Variants in FMN2 observed in about 807,000 individuals in gnomAD.
FMN2 encodes the protein formin-2.
FMN2 carries 51 observed loss-of-function variants against 142.3 expected under a neutral mutation model. The observed-to-expected ratio is 0.36, with a 90% confidence interval of 0.29 to 0.45. FMN2 has a LOEUF of 0.45. Among genes scored for constraint, FMN2 ranks in the 20% least tolerant of loss-of-function variants. FMN2 has a pLI of 1.00. For synonymous variants in FMN2, 882 were observed against 869.8 expected (o/e 1.01, Z -0.25); for missense variants, 1,936 against 2,122.8 (o/e 0.91, Z 1.73).
intron 6 of FMN2, among the ~76,000 whole-genome samples, chr1:240,227,610 A>G (rs1329112447): frequency 2.0e-5 from 3 of 152,226 alleles, no homozygotes; most frequent in African/African-American, 7.2e-5. Flanking sequence ...ATATTGGTCA[A>G]TGGAATATAT....
chr1:240,435,129 AT>A (rs577615749), intron 15 of FMN2, among the ~76,000 whole-genome samples: 70 of 152,210 alleles, frequency 4.6e-4, no homozygotes, highest in African/African-American at 1.7e-3. Flanking sequence ...TGCAAAGAAC[AT>A]TTTTATTGAA....
At chr1:240,231,793 A>G (rs1285382170) in intron 6 of FMN2, among the ~76,000 whole-genome samples, 1 of 152,210 alleles carries the variant, frequency 6.6e-6, no homozygotes. Flanking sequence ...AAATGTCTTC[A>G]AGCACTAGAA....
intron 2 of FMN2, chr1:240,143,506 T>A: frequency 6.3e-7 from 1 of 1,575,768 alleles, no homozygotes; most frequent in South Asian, 1.1e-5. Flanking sequence ...TTTGTCTTCC[T>A]CCTTCTCTTT....
At chr1:240,355,089 G>C (rs1672218022) in intron 13 of FMN2, among the ~76,000 whole-genome samples, 1 of 152,034 alleles carries the variant, frequency 6.6e-6, no homozygotes, top group Non-Finnish European at 1.5e-5. Context: ...GATAAACTTT[G>C]GTGTTAGATC....
chr1:240,471,354 A>G (rs996440348), intron 16 of FMN2, among the ~76,000 whole-genome samples: 5 of 149,398 alleles, frequency 3.3e-5, no homozygotes, highest in African/African-American at 1.2e-4. Flanking sequence ...TAAGCATGGC[A>G]TGTAAATTTT....
intron 7 of FMN2, among the ~76,000 whole-genome samples, chr1:240,272,920 C>T (rs757167427): frequency 7.2e-5 from 11 of 152,132 alleles, no homozygotes; most frequent in East Asian, 1.9e-4. Flanking sequence ...ATTATATGCA[C>T]GTGATTAAGA....
At chr1:240,431,893 A>G (rs1311470820) in intron 15 of FMN2, among the ~76,000 whole-genome samples, 1 of 150,148 alleles carries the variant, frequency 6.7e-6, no homozygotes, top group Non-Finnish European at 1.5e-5. Flanking sequence ...TTTTTTGCTT[A>G]TGCTCATGAG....
chr1:240,211,346 T>C, intron 6 of FMN2, 111 bp downstream of exon 6: 1 of 1,010,018 alleles, frequency 9.9e-7, no homozygotes, highest in Non-Finnish European at 1.5e-6. Context: ...TCCATGGATC[T>C]TAGGCAGACA....
chr1:240,172,726 C>A (rs1664757301), intron 2 of FMN2, among the ~76,000 whole-genome samples: 1 of 151,846 alleles, frequency 6.6e-6, no homozygotes, highest in Admixed American at 6.6e-5. Context: ...AGTTAATTAC[C>A]AATAGGTTTA....
At chr1:240,114,396 T>C (rs1047072675) in intron 1 of FMN2, among the ~76,000 whole-genome samples, 2 of 152,146 alleles carry the variant, frequency 1.3e-5, no homozygotes, top group Non-Finnish European at 1.5e-5. Context: ...TTCCAGAGGC[T>C]GGGGGACAGC....
chr1:240,259,604 C>T (rs2102900365), intron 7 of FMN2, among the ~76,000 whole-genome samples: 1 of 150,094 alleles, frequency 6.7e-6, no homozygotes, highest in East Asian at 2.0e-4. Context: ...ACAGGATTTA[C>T]ATGTGTGAAT....
intron 2 of FMN2, among the ~76,000 whole-genome samples, chr1:240,169,072 G>A (rs928796962): frequency 1.6e-4 from 25 of 152,272 alleles, no homozygotes; most frequent in Middle Eastern, 3.4e-3. Context: ...TTAGCTGGGC[G>A]TGGTGGCACA....
At chr1:240,314,747 G>C (rs1670713559) in intron 8 of FMN2, among the ~76,000 whole-genome samples, 1 of 152,074 alleles carries the variant, frequency 6.6e-6, no homozygotes, top group Admixed American at 6.6e-5. Context: ...TTTCTCAGGA[G>C]GTCTTTGCTC....
intron 13 of FMN2, among the ~76,000 whole-genome samples, chr1:240,337,927 C>G (rs1376474906): frequency 6.6e-6 from 1 of 152,140 alleles, no homozygotes; most frequent in East Asian, 1.9e-4. Context: ...ACTTGTAGTT[C>G]GTTAAGCAAC....
intron 14 of FMN2, among the ~76,000 whole-genome samples, chr1:240,382,428 A>T (rs1673255921): frequency 6.6e-6 from 1 of 152,144 alleles, no homozygotes; most frequent in Non-Finnish European, 1.5e-5. Flanking sequence ...TGGGAGGTCA[A>T]GGAGGGCGGA....
intron 7 of FMN2, among the ~76,000 whole-genome samples, chr1:240,282,834 C>T (rs1169242694): frequency 2.6e-5 from 4 of 152,162 alleles, no homozygotes; most frequent in Admixed American, 6.6e-5. Flanking sequence ...GATATGCTCA[C>T]GTAACTAAGC....
At chr1:240,361,134 T>TAA (rs1423782751) in intron 14 of FMN2, among the ~76,000 whole-genome samples, 491 of 18,026 alleles carry the variant, frequency 0.027, 3 homozygotes, top group African/African-American at 0.24. Flanking sequence ...AATAAATAAA[T>TAA]ATATGTGTAT....
intron 16 of FMN2, among the ~76,000 whole-genome samples, chr1:240,461,500 A>G (rs1676450918): frequency 6.6e-6 from 1 of 152,208 alleles, no homozygotes; most frequent in Non-Finnish European, 1.5e-5. Flanking sequence ...CTTACATTGC[A>G]TTACATCTTT....
At chr1:240,212,903 T>A (rs1035258615) in intron 6 of FMN2, among the ~76,000 whole-genome samples, 5 of 152,172 alleles carry the variant, frequency 3.3e-5, no homozygotes, top group African/African-American at 1.2e-4. Flanking sequence ...AATTGAGCCA[T>A]GCTCTCCTTA....
Sources: allele counts gnomAD v4.1 joint callset (sites outside exome capture counted in the v4.1 genomes callset), GRCh38; gene constraint gnomAD v4.1.1; transcripts MANE v1.5; gene names NCBI Gene and HGNC (gene_info 2026-07-23, HGNC 2026-07-21).